The following FAM168B variants were observed in gnomAD, a reference collection of about 807,000 sequenced individuals.
FAM168B encodes family with sequence similarity 168 member B, also known as myelin-associated neurite-outgrowth inhibitor.
Under a neutral mutation model 21.8 loss-of-function variants are expected in FAM168B, and 19 were observed. The ratio of observed to expected loss-of-function variants is 0.87; its 90% confidence interval spans 0.61 to 1.28. The LOEUF is 1.28. Among genes scored for constraint, FAM168B ranks in the 50% most tolerant of loss-of-function variants. The pLI is 0.00. For missense variants in FAM168B, 233 were observed against 263.1 expected (o/e 0.89, Z 0.79); for synonymous variants, 126 against 104.8 (o/e 1.20, Z -1.24).
rs1179641106 is a variant in FAM168B at position 131,052,945 on chromosome 2, G to A, written c.546C>T (p.Ala182=). The A allele has an allele frequency of 5.1e-6, 8 of 1,563,956 alleles. No homozygotes were observed. Among genetic ancestry groups the A allele is most frequent in the Non-Finnish European group, 6.9e-6 (8 of 1,153,408 alleles). Reference sequence around the variant, plus strand: ...CATAGCTGTAAGTGGGCGTTCCTGGGGCCCGGTACGTGGGCACAGTGACCG... The same window carrying A: ...CATAGCTGTAAGTGGGCGTTCCTGGAGCCCGGTACGTGGGCACAGTGACCG... ...PHPVTVPTYR[A]PGTPTYSYVP... The change falls in exon 6 of 7, where the codon GCC becomes GCT. Residue 182 remains alanine (A), a synonymous_variant. Transcript: ENST00000389915.
chr2:131,090,759 C>T (rs1693976977), intron 1 of FAM168B, among the ~76,000 whole-genome samples: 1 of 152,222 alleles, frequency 6.6e-6, no homozygotes, highest in East Asian at 1.9e-4. Flanking sequence ...GATGGAGTCT[C>T]GCTTTGTTGC....
At chr2:131,079,962 C>G (rs1693351900) in intron 2 of FAM168B, among the ~76,000 whole-genome samples, 1 of 151,928 alleles carries the variant, frequency 6.6e-6, no homozygotes, top group Non-Finnish European at 1.5e-5. Context: ...ACTAAAAATA[C>G]AAACATTAGC....
intron 1 of FAM168B, among the ~76,000 whole-genome samples, chr2:131,084,987 A>G (rs528988379): frequency 6.6e-6 from 1 of 152,140 alleles, no homozygotes; most frequent in African/African-American, 2.4e-5. Flanking sequence ...AATGCAGTGT[A>G]TTAAAGTGTA....
chr2:131,089,649 C>G (rs545274762), intron 1 of FAM168B, among the ~76,000 whole-genome samples: 1 of 149,996 alleles, frequency 6.7e-6, no homozygotes, highest in Non-Finnish European at 1.5e-5. Flanking sequence ...ACCCGGAAGG[C>G]GGAGCTTGCA....
chr2:131,074,240 T>A (rs1163811337), intron 2 of FAM168B, among the ~76,000 whole-genome samples: 1 of 152,208 alleles, frequency 6.6e-6, no homozygotes, highest in Non-Finnish European at 1.5e-5. Flanking sequence ...GCGATTCTCC[T>A]GCCTCATCCT....
At chr2:131,060,820 T>C (rs1253671502) in intron 3 of FAM168B, among the ~76,000 whole-genome samples, 1 of 152,148 alleles carries the variant, frequency 6.6e-6, no homozygotes, top group East Asian at 1.9e-4. Flanking sequence ...ACTATGGACA[T>C]CCACTGTATT....
chr2:131,050,039 T>C lies in FAM168B; in HGVS notation c.*2426A>G. 2.0e-6 allele frequency: 2 copies of C among 985,484 alleles called. No individual in the cohort carries two copies. Among genetic ancestry groups the C allele is most frequent in the Non-Finnish European group, 2.4e-6 (2 of 829,946 alleles). 61.0% of individuals were successfully genotyped at this position (985,484 alleles called of 1,614,324 possible). On this transcript the variant is annotated 3_prime_UTR_variant, in exon 7 of 7. Transcript: ENST00000389915. The stretch of plus-strand genomic sequence containing the variant: ...TGCACGGATGTGCAATGCAAACTTA[T>C]TTCATAAAGCCTCTCAACTTCATAA...
intron 3 of FAM168B, among the ~76,000 whole-genome samples, chr2:131,071,065 C>T (rs10496683): frequency 0.051 from 7,803 of 152,110 alleles, 662 homozygotes; most frequent in African/African-American, 0.18. Flanking sequence ...GAAATGGAAA[C>T]GAAGAGATGG....
rs762218220 is a variant in FAM168B, at chr2:131,066,161, C to CTTTT, written c.154+5690_154+5693dup. 2.2e-5 allele frequency among the ~76,000 whole-genome samples: 3 copies of CTTTT among 138,368 alleles called. No homozygotes were observed. The South Asian group carries it at 7.0e-4, about 32-fold the overall frequency. The allele number at this position is 138,368 out of a possible 152,430, so 90.8% of individuals were successfully genotyped here. On this transcript the variant is annotated intron_variant, in intron 3 of 6. Transcript: ENST00000389915. ...CCATCACTCTTTGCAACATTTGTATCTTTTTTTTTTTTTTTTTGAGACTGA... is the reference window on the plus strand; with the variant it reads ...CCATCACTCTTTGCAACATTTGTATCTTTTTTTTTTTTTTTTTTTTTGAGACTGA...
chr2:131,057,183 C>T (rs1573754443), intron 3 of FAM168B, among the ~76,000 whole-genome samples: 1 of 152,158 alleles, frequency 6.6e-6, no homozygotes. Flanking sequence ...AATCCACTCC[C>T]AAAACTTCCC....
intron 2 of FAM168B, among the ~76,000 whole-genome samples, chr2:131,077,546 A>G (rs1456362626): frequency 6.6e-6 from 1 of 152,158 alleles, no homozygotes; most frequent in Admixed American, 6.6e-5. Context: ...TTATGTTCCT[A>G]ACTCCATCCC....
intron 1 of FAM168B, among the ~76,000 whole-genome samples, chr2:131,089,619 G>A (rs1432375328): frequency 2.0e-5 from 3 of 151,650 alleles, no homozygotes; most frequent in African/African-American, 7.3e-5. Context: ...TGGGGAGGCT[G>A]AGGCAGGAGA....
intron 2 of FAM168B, among the ~76,000 whole-genome samples, chr2:131,074,318 G>A (rs1019660698): frequency 3.9e-5 from 6 of 152,058 alleles, no homozygotes; most frequent in Non-Finnish European, 2.9e-5. Flanking sequence ...TAGTAGAGAC[G>A]GGGTTTCACC....
chr2:131,084,913 C>T (rs958798940), intron 1 of FAM168B, among the ~76,000 whole-genome samples: 1 of 152,104 alleles, frequency 6.6e-6, no homozygotes, highest in Non-Finnish European at 1.5e-5. Context: ...CAGAGTTTCA[C>T]TACGTCACTC....
chr2:131,073,623 G>T (rs963944140), intron 2 of FAM168B, among the ~76,000 whole-genome samples: 1 of 152,146 alleles, frequency 6.6e-6, no homozygotes, highest in African/African-American at 2.4e-5. Context: ...CAAGAGGATA[G>T]AGCCCAAAAG....
At chr2:131,082,770 A>G in intron 1 of FAM168B, 113 bp from the exon 2 acceptor site, 1 of 637,126 alleles carries the variant, frequency 1.6e-6, no homozygotes, top group South Asian at 2.1e-5. Flanking sequence ...GCTATAAAAC[A>G]ATGCATTTCA....
chr2:131,078,360 A>T (rs1693268015), intron 2 of FAM168B, among the ~76,000 whole-genome samples: 1 of 152,244 alleles, frequency 6.6e-6, no homozygotes, highest in African/African-American at 2.4e-5. Context: ...ATGGAAGCAG[A>T]TCAGTATAAA....
At chr2:131,081,444 T>A (rs2105565906) in intron 2 of FAM168B, among the ~76,000 whole-genome samples, 1 of 152,324 alleles carries the variant, frequency 6.6e-6, no homozygotes, top group East Asian at 1.9e-4. Context: ...CTGGAGACTA[T>A]TTTTACGTTA....
At chr2:131,075,279 A>G (rs1449239594) in intron 2 of FAM168B, among the ~76,000 whole-genome samples, 1 of 151,838 alleles carries the variant, frequency 6.6e-6, no homozygotes, top group African/African-American at 2.4e-5. Context: ...TTCTTTTAAA[A>G]AAAAAAAAAA....
Sources: gnomAD v4.1 joint callset for allele counts (sites outside exome capture counted in the v4.1 genomes callset) on GRCh38, gnomAD v4.1.1 for gene constraint, MANE v1.5 for transcripts, NCBI Gene and HGNC (gene_info 2026-07-23, HGNC 2026-07-21) for gene names.